Variants in CNTNAP2 observed in about 807,000 individuals in gnomAD.
CNTNAP2 encodes contactin associated protein 2.
CNTNAP2 carries 98 observed loss-of-function variants against 155.2 expected under a neutral mutation model. The observed-to-expected ratio is 0.63, with a 90% CI of 0.54 to 0.75. The LOEUF is 0.75. Among genes scored for constraint, CNTNAP2 ranks in the 30% least tolerant of loss-of-function variants. The pLI is 0.00. For missense variants in CNTNAP2, 1,727 were observed against 1,688.1 expected (o/e 1.02, Z -0.40); for synonymous variants, 651 against 631.2 (o/e 1.03, Z -0.47).
chr7:147,449,481 C>T (rs1339072902), intron 10 of CNTNAP2, among the ~76,000 whole-genome samples: 3 of 152,168 alleles, frequency 2.0e-5, no homozygotes, highest in South Asian at 4.1e-4. Context: ...GGAGCTGATC[C>T]TCTCTCAGAA....
At chr7:146,398,090 T>C (rs1329451454) in intron 1 of CNTNAP2, among the ~76,000 whole-genome samples, 2 of 151,730 alleles carry the variant, frequency 1.3e-5, no homozygotes, top group African/African-American at 4.9e-5. Context: ...CAGGATGGTC[T>C]TGAACTCCTG....
chr7:147,257,845 C>G (rs914258454), intron 8 of CNTNAP2, among the ~76,000 whole-genome samples: 1 of 152,134 alleles, frequency 6.6e-6, no homozygotes, highest in Admixed American at 6.5e-5. Context: ...GGTTGAGTGA[C>G]TAGATCGATA....
chr7:147,206,634 G>C (rs186859459), intron 8 of CNTNAP2, among the ~76,000 whole-genome samples: 73 of 152,128 alleles, frequency 4.8e-4, no homozygotes, highest in Non-Finnish European at 7.5e-4. Flanking sequence ...ATGTAGGGAA[G>C]GTTACTTTTA....
At chr7:146,503,675 C>T (rs958711739) in intron 1 of CNTNAP2, among the ~76,000 whole-genome samples, 4 of 152,170 alleles carry the variant, frequency 2.6e-5, no homozygotes, top group Admixed American at 1.3e-4. Flanking sequence ...TTCCCATCAC[C>T]ACTTATTGAA....
chr7:148,238,794 GGA>G (rs1250940148), intron 20 of CNTNAP2, among the ~76,000 whole-genome samples: 9 of 152,068 alleles, frequency 5.9e-5, no homozygotes, highest in Non-Finnish European at 1.2e-4. Context: ...GTAGAAACAT[GGA>G]GCCCAGACTG....
chr7:146,815,711 G>T (rs1192221591), intron 2 of CNTNAP2, among the ~76,000 whole-genome samples: 1 of 152,026 alleles, frequency 6.6e-6, no homozygotes, highest in Admixed American at 6.6e-5. Flanking sequence ...CAAGTTCCCT[G>T]TGCTTCCCTG....
intron 3 of CNTNAP2, among the ~76,000 whole-genome samples, chr7:146,924,981 C>T (rs1796576867): frequency 6.6e-6 from 1 of 152,034 alleles, no homozygotes; most frequent in Admixed American, 6.6e-5. Flanking sequence ...ATTAATATGC[C>T]ATATTCTTAT....
intron 13 of CNTNAP2, among the ~76,000 whole-genome samples, chr7:147,650,653 T>C (rs1795435538): frequency 6.6e-6 from 1 of 152,158 alleles, no homozygotes; most frequent in Admixed American, 6.5e-5. Flanking sequence ...ATAAAATGTG[T>C]GTTAATTGGC....
intron 8 of CNTNAP2, among the ~76,000 whole-genome samples, chr7:147,188,002 A>G (rs1048551774): frequency 3.9e-5 from 6 of 152,140 alleles, no homozygotes; most frequent in Admixed American, 1.3e-4. Flanking sequence ...TGTAGGTTGC[A>G]GTGAGCTGAG....
At chr7:148,251,466 A>C (rs1259177765) in intron 20 of CNTNAP2, among the ~76,000 whole-genome samples, 1 of 151,786 alleles carries the variant, frequency 6.6e-6, no homozygotes, top group African/African-American at 2.4e-5. Context: ...TCGGTGTCCA[A>C]AGTTTTTTTT....
At chr7:147,831,054 T>C (rs745848505) in intron 13 of CNTNAP2, among the ~76,000 whole-genome samples, 2 of 152,212 alleles carry the variant, frequency 1.3e-5, no homozygotes, top group Non-Finnish European at 1.5e-5. Flanking sequence ...GGAATTCTTA[T>C]TAAGCATGAG....
At chr7:148,126,525 A>G (rs905207022) in intron 16 of CNTNAP2, among the ~76,000 whole-genome samples, 11 of 152,204 alleles carry the variant, frequency 7.2e-5, no homozygotes, top group Non-Finnish European at 1.5e-4. Context: ...TTCACAGGAA[A>G]GCAGTTTGGG....
chr7:146,875,934 CAAAAAAAAAAAAAA>C (rs56304234), intron 3 of CNTNAP2, among the ~76,000 whole-genome samples: 3 of 55,134 alleles, frequency 5.4e-5, no homozygotes, highest in African/African-American at 1.8e-4. Flanking sequence ...ACATACACAG[CAAAAAAAAAAAAAA>C]AAAAAAAAAA....
intron 1 of CNTNAP2, among the ~76,000 whole-genome samples, chr7:146,397,320 G>T (rs1795644624): frequency 6.6e-6 from 1 of 152,158 alleles, no homozygotes; most frequent in African/African-American, 2.4e-5. Context: ...TACCACATTT[G>T]CTCATGACAG....
rs1011602696 is a variant in CNTNAP2 at position 146,369,163 on chromosome 7, C to T, written c.97+252190C>T. Among the ~76,000 whole-genome samples the T allele has an allele frequency of 3.3e-5, 5 of 150,824 alleles. No homozygotes were observed. The East Asian group carries it at 5.8e-4, about 18-fold the overall frequency. On this transcript the variant is annotated intron_variant, in intron 1 of 23. Transcript: ENST00000361727. ...TCTTTGGATCATTTTCCTTTGCCAG[C>T]ATTACGTGTGTGTATGTGTGTGTAT...
chr7:146,203,138 C>T (rs1798893123), intron 1 of CNTNAP2, among the ~76,000 whole-genome samples: 1 of 152,190 alleles, frequency 6.6e-6, no homozygotes, highest in Non-Finnish European at 1.5e-5. Context: ...TTTTCCCACA[C>T]ACATCAAGCA....
intron 3 of CNTNAP2, among the ~76,000 whole-genome samples, chr7:146,961,536 C>T (rs1797558638): frequency 6.6e-6 from 1 of 152,170 alleles, no homozygotes; most frequent in African/African-American, 2.4e-5. Context: ...ACACCCTCTA[C>T]CCTGAAAGTT....
At chr7:146,599,515 C>T (rs1798914019) in intron 1 of CNTNAP2, among the ~76,000 whole-genome samples, 1 of 151,922 alleles carries the variant, frequency 6.6e-6, no homozygotes, top group African/African-American at 2.4e-5. Context: ...TATGTCTATA[C>T]CTAAATATAT....
At chr7:147,294,886 C>G (rs1476159427) in intron 8 of CNTNAP2, among the ~76,000 whole-genome samples, 1 of 152,116 alleles carries the variant, frequency 6.6e-6, no homozygotes, top group Non-Finnish European at 1.5e-5. Context: ...TCTCAAACTC[C>G]TGACCTCAGG....
Sources: allele counts gnomAD v4.1 joint callset (sites outside exome capture counted in the v4.1 genomes callset), GRCh38; gene constraint gnomAD v4.1.1; transcripts MANE v1.5; gene names NCBI Gene and HGNC (gene_info 2026-07-23, HGNC 2026-07-21).